DOCK4: variants seen among roughly 807,000 people sequenced by gnomAD.
DOCK4 encodes the protein dedicator of cytokinesis 4, also known as dedicator of cytokinesis protein 4.
DOCK4 carries 97 observed loss-of-function variants against 268.1 expected under a neutral mutation model. The observed-to-expected ratio is 0.36, with a 90% CI of 0.31 to 0.43. DOCK4 has a LOEUF of 0.43. DOCK4 is among the 20% of genes least tolerant of loss of function. The pLI, the probability that DOCK4 is intolerant of heterozygous loss-of-function variation, is 1.00. For missense variants in DOCK4, 2,145 were observed against 2,455.7 expected, an observed-to-expected ratio of 0.87 and a Z score of 2.67; for synonymous variants, 954 against 887.2, an observed-to-expected ratio of 1.08 and a Z score of -1.34.
At chr7:111,732,413 G>A (rs941720378) in intron 51 of DOCK4, 126 bp from the exon 52 acceptor site, 2 of 921,640 alleles carry the variant, frequency 2.2e-6, no homozygotes, top group Non-Finnish European at 3.4e-6. Flanking sequence ...AAGCAAAGGG[G>A]GTGGTGAGGA....
rs200128047 is a variant in DOCK4, at chr7:111,728,687, C to T, written c.5515G>A (p.Glu1839Lys). 1.2e-5 allele frequency: 19 copies of T among 1,613,560 alleles called. No homozygotes were observed. Among genetic ancestry groups the T allele is most frequent in the Non-Finnish European group, 1.5e-5 (18 of 1,179,738 alleles). The change falls in exon 53 of 53, where the codon GAG becomes AAG. Residue 1839 changes from glutamate to lysine, a missense_variant. Transcript: ENST00000428084. ...GAGATGAGTCCTGGCGAGTGGTACTCCACTGGAGAGGGGGTGAAAGACTGC... is the reference window on the plus strand; with the variant it reads ...GAGATGAGTCCTGGCGAGTGGTACTTCACTGGAGAGGGGGTGAAAGACTGC... ...SVQSFTPSPV[E>K]YHSPGLISNS...
Position 111,976,206 on chromosome 7 carries a change from ATGTG to A in DOCK4, c.701+922_701+925del, listed in dbSNP as rs1157470069. Among the ~76,000 whole-genome samples, 26 of 71,746 alleles carry A rather than the reference ATGTG, an allele frequency of 3.6e-4. 3 individuals carry two copies. The highest frequency in any genetic ancestry group is 9.9e-4 in the African/African-American group (13 of 13,196). 47.1% of individuals were successfully genotyped at this position (71,746 alleles called of 152,430 possible). On this transcript the variant is annotated intron_variant, in intron 8 of 52. Coordinates refer to ENST00000428084, the MANE Select transcript of DOCK4 (RefSeq NM_001363540.2). ...CACACACACACGCACACACGCACAT[ATGTG>A]TGTGTGTGTGTGCGTGTGTGTGTAT...
Position 112,163,115 on chromosome 7 carries a change from C to T in DOCK4, c.37+42987G>A, listed in dbSNP as rs10234476. On this transcript the variant is annotated intron_variant, in intron 1 of 52. Transcript: ENST00000428084. ...TACCAAAAAGGAATAAATTAAGACACGGCAAGCTAGTTATTAGGAATGACT... is the reference window on the plus strand; with the variant it reads ...TACCAAAAAGGAATAAATTAAGACATGGCAAGCTAGTTATTAGGAATGACT... Among the ~76,000 whole-genome samples, 1,072 of 152,276 alleles carry T rather than the reference C, an allele frequency of 7.0e-3. 8 individuals carry two copies. The highest frequency in any genetic ancestry group is 0.025 in the African/African-American group (1,022 of 41,560).
intron 13 of DOCK4, among the ~76,000 whole-genome samples, chr7:111,907,068 C>T (rs1264294452): frequency 6.6e-6 from 1 of 152,156 alleles, no homozygotes; most frequent in Non-Finnish European, 1.5e-5. Context: ...GGGAGCAGGA[C>T]TCACAGGTAA....
At chr7:111,916,839 G>A (rs1792627550) in intron 12 of DOCK4, among the ~76,000 whole-genome samples, 1 of 151,786 alleles carries the variant, frequency 6.6e-6, no homozygotes, top group Non-Finnish European at 1.5e-5. Context: ...GGGTTATTGT[G>A]GAATAGGTGG....
intron 5 of DOCK4, 126 bp downstream of exon 5, chr7:111,994,009 T>C: frequency 5.6e-6 from 3 of 536,278 alleles, no homozygotes; most frequent in Non-Finnish European, 1.0e-5. Flanking sequence ...CTTGTTAATA[T>C]CTATATCCCC....
rs572050793 is a variant in DOCK4, at chr7:112,059,134, C to CTTTTTTTTT, written c.38-55012_38-55004dup. Among the ~76,000 whole-genome samples, 18 of 98,978 alleles carry CTTTTTTTTT rather than the reference C, an allele frequency of 1.8e-4. 1 individual carries two copies. The highest frequency in any genetic ancestry group is 6.5e-4 in the African/African-American group (13 of 19,982). The allele number at this position is 98,978 out of a possible 152,430, so 64.9% of individuals were successfully genotyped here. ...TCATAAAATTATACTGCAGCATTTC[C>CTTTTTTTTT]TTTTTTTTTTTTTTTTTTTTTTTTT... On this transcript the variant is annotated intron_variant, in intron 1 of 52. Transcript: ENST00000428084.
chr7:111,890,027 A>G (rs1474064115), intron 16 of DOCK4, among the ~76,000 whole-genome samples: 1 of 152,130 alleles, frequency 6.6e-6, no homozygotes, highest in African/African-American at 2.4e-5. Context: ...ACTGGACCTG[A>G]GGGTGTTTCC....
At chr7:112,091,511 C>T (rs1586804707) in intron 1 of DOCK4, among the ~76,000 whole-genome samples, 1 of 152,150 alleles carries the variant, frequency 6.6e-6, no homozygotes, top group South Asian at 2.1e-4. Flanking sequence ...ATATTCAAGG[C>T]TATCTGCTAG....
intron 1 of DOCK4, among the ~76,000 whole-genome samples, chr7:112,130,056 G>T (rs1327360135): frequency 1.3e-5 from 2 of 152,184 alleles, no homozygotes; most frequent in Non-Finnish European, 2.9e-5. Flanking sequence ...TTTTAACTCT[G>T]CCTGGAAAGG....
intron 41 of DOCK4, 110 bp from the exon 42 acceptor site, chr7:111,755,711 C>G: frequency 1.1e-6 from 1 of 941,162 alleles, no homozygotes; most frequent in Non-Finnish European, 1.7e-6. Flanking sequence ...TCCTGTCAGC[C>G]TTTCTTTAGT....
intron 1 of DOCK4, among the ~76,000 whole-genome samples, chr7:112,153,343 T>A (rs1816281362): frequency 2.0e-5 from 3 of 152,116 alleles, no homozygotes; most frequent in African/African-American, 7.2e-5. Flanking sequence ...AATCACAGTG[T>A]TTTTAATAGT....
At chr7:112,063,907 TTTTC>T (rs1280346295) in intron 1 of DOCK4, among the ~76,000 whole-genome samples, 1 of 152,160 alleles carries the variant, frequency 6.6e-6, no homozygotes, top group Non-Finnish European at 1.5e-5. Flanking sequence ...CCCCAAGTCC[TTTTC>T]TTTCTATTTC....
intron 1 of DOCK4, among the ~76,000 whole-genome samples, chr7:112,171,735 A>T (rs1434163451): frequency 6.6e-6 from 1 of 152,236 alleles, no homozygotes; most frequent in Non-Finnish European, 1.5e-5. Context: ...GTATATTCCC[A>T]AATATTTCAA....
chr7:112,082,011 T>C (rs1808633021), intron 1 of DOCK4, among the ~76,000 whole-genome samples: 1 of 151,636 alleles, frequency 6.6e-6, no homozygotes, highest in Non-Finnish European at 1.5e-5. Flanking sequence ...AGAATACTCA[T>C]GTGACAAATG....
At chr7:111,739,310 G>T (rs779007542) in intron 48 of DOCK4, 67 bp from the exon 49 acceptor site, 1 of 1,592,648 alleles carries the variant, frequency 6.3e-7, no homozygotes, top group African/African-American at 1.3e-5. Context: ...GGAGGCGAGA[G>T]CCTGAACGTG....
At chr7:111,857,093 C>A (rs1273307405) in intron 23 of DOCK4, among the ~76,000 whole-genome samples, 2 of 152,158 alleles carry the variant, frequency 1.3e-5, no homozygotes, top group Non-Finnish European at 2.9e-5. Flanking sequence ...AAACCCAACA[C>A]TAAACTACAC....
intron 1 of DOCK4, among the ~76,000 whole-genome samples, chr7:112,008,035 ATCCC>A (rs1800996883): frequency 6.6e-6 from 1 of 152,150 alleles, no homozygotes; most frequent in Admixed American, 6.5e-5. Flanking sequence ...CAGTGTTTTG[ATCCC>A]TCCATTTCCT....
At chr7:111,845,557 CT>C (rs1238813482) in intron 24 of DOCK4, among the ~76,000 whole-genome samples, 1 of 152,102 alleles carries the variant, frequency 6.6e-6, no homozygotes, top group Non-Finnish European at 1.5e-5. Flanking sequence ...GAGTTGGGTT[CT>C]TATTACACCT....
Sources: allele counts gnomAD v4.1 joint callset (sites outside exome capture counted in the v4.1 genomes callset), GRCh38; gene constraint gnomAD v4.1.1; transcripts MANE v1.5; gene names NCBI Gene and HGNC (gene_info 2026-07-23, HGNC 2026-07-21).